The following PTPN5 variants were observed in gnomAD, a reference collection of about 807,000 sequenced individuals.
The protein encoded by PTPN5 is tyrosine-protein phosphatase non-receptor type 5.
Under a neutral mutation model 73.9 loss-of-function variants are expected in PTPN5, and 29 were observed. The ratio of observed to expected loss-of-function variants is 0.39; its 90% CI spans 0.29 to 0.54. The LOEUF (loss-of-function observed/expected upper bound fraction) is 0.54, where lower values mean the gene tolerates loss of function less well. Among genes scored for constraint, PTPN5 ranks in the 20% least tolerant of loss-of-function variants. The probability of loss-of-function intolerance (pLI) is 0.65; values close to 1 mark genes in which losing one functional copy is unlikely to be tolerated. For missense variants in PTPN5, 652 were observed against 751.4 expected (o/e 0.87, Z 1.55); for synonymous variants, 267 against 304.7 (o/e 0.88, Z 1.29).
intron 1 of PTPN5, among the ~76,000 whole-genome samples, chr11:18,788,672 G>A (rs7103490): frequency 0.4 from 61,428 of 152,096 alleles, 14,236 homozygotes; most frequent in South Asian, 0.53. Context: ...GTTTTTAAGG[G>A]GTTATCCGCC....
chr11:18,784,916 C>T (rs1851601144), intron 1 of PTPN5, among the ~76,000 whole-genome samples: 2 of 151,996 alleles, frequency 1.3e-5, no homozygotes, highest in African/African-American at 4.8e-5. Context: ...TGCAGCGGCG[C>T]TATCTTGGCT....
intron 3 of PTPN5, among the ~76,000 whole-genome samples, chr11:18,756,276 G>T (rs1850129888): frequency 6.7e-6 from 1 of 148,808 alleles, no homozygotes. Context: ...AACTCTTCTT[G>T]GTCCCTTACA....
At chr11:18,779,035 G>C (rs1851299734) in intron 1 of PTPN5, among the ~76,000 whole-genome samples, 1 of 152,112 alleles carries the variant, frequency 6.6e-6, no homozygotes, top group African/African-American at 2.4e-5. Context: ...TTGCTTACAA[G>C]GCTCCTTCTC....
chr11:18,755,700 T>C (rs1337979568), intron 3 of PTPN5, among the ~76,000 whole-genome samples: 1 of 151,964 alleles, frequency 6.6e-6, no homozygotes, highest in Non-Finnish European at 1.5e-5. Context: ...AACAGGGATA[T>C]GGGAAAAAAG....
In PTPN5 at chr11:18,778,965, T is replaced by A. The variant is rs115544998; in HGVS notation, c.-113-6894A>T. Among the ~76,000 whole-genome samples, 1,372 of 152,278 alleles carry A rather than the reference T, an allele frequency of 9.0e-3. 21 individuals are homozygous for A. Among genetic ancestry groups the A allele is most frequent in the African/African-American group, 0.031 (1,285 of 41,554 alleles). On this transcript the variant is annotated intron_variant, in intron 1 of 14. Coordinates refer to ENST00000358540, the MANE Select transcript of PTPN5 (RefSeq NM_006906.2). ...TGCCCTGGGCCTGGGCTGCCCATGC[T>A]GCTGTCCCTTGCTCCGGATGGTCCA...
Position 18,771,919 on chromosome 11 carries a change from C to T in PTPN5, c.20+20G>A, listed in dbSNP as rs573373140. On this transcript the variant is annotated intron_variant, in intron 2 of 14. Transcript: ENST00000358540. ...CCTCAGTGGGCGGGTTGCAGGGGGA[C>T]GGCGTAAACGCTCACTCACCTGGCT... The T allele has an allele frequency of 1.1e-5, 18 of 1,597,164 alleles. No homozygotes were observed. Among genetic ancestry groups the T allele is most frequent in the African/African-American group, 8.1e-5 (6 of 73,764 alleles).
Position 18,791,572 on chromosome 11 carries a change from G to C in PTPN5, c.-161C>G, listed in dbSNP as rs1312295886. ...CCGGCGAGCAGGCGGGCAGGCTGGC[G>C]GGAGGATGCGCGCGCGAGTGTGCGT... On this transcript the variant is annotated 5_prime_UTR_variant, in exon 1 of 15. Transcript: ENST00000358540. 6.5e-6 allele frequency: 1 copy of C among 153,630 alleles called. No homozygotes were observed. Among genetic ancestry groups the C allele is most frequent in the Middle Eastern group, 3.4e-3 (1 of 296 alleles). 9.5% of individuals were successfully genotyped at this position (153,630 alleles called of 1,614,324 possible).
In PTPN5 at chr11:18,728,949, G is replaced by T. The variant is rs1312606504; in HGVS notation, c.1683C>A (p.His561Gln). The change falls in exon 15 of 15, where the codon CAC becomes CAA. Residue 561 changes from histidine to glutamine, a missense_variant. Physicochemically the swap from His to Gln is conservative, Grantham distance 24. Transcript: ENST00000358540. The surrounding 1 kb of genome is among the most constrained non-coding windows in gnomAD (Gnocchi z 4.1). ...VMSLYEKQLS[H>Q]QSPE ...AGAAGCGCAGTCATTCTGGGGACTG[G>T]TGGGACAGCTGCTTTTCGTAGAGGC... The T allele has an allele frequency of 1.2e-6, 2 of 1,613,536 alleles. No homozygotes were observed. The highest frequency in any genetic ancestry group is 1.1e-5 in the South Asian group (1 of 91,022).
chr11:18,750,144 C>G (rs1044974557), intron 3 of PTPN5, among the ~76,000 whole-genome samples: 1 of 152,174 alleles, frequency 6.6e-6, no homozygotes, highest in Non-Finnish European at 1.5e-5. Flanking sequence ...AAGGGCAGAG[C>G]CTGAACGTTG....
At chr11:18,756,331 C>A (rs1335403338) in intron 3 of PTPN5, among the ~76,000 whole-genome samples, 1 of 141,664 alleles carries the variant, frequency 7.1e-6, no homozygotes, top group South Asian at 2.3e-4. Flanking sequence ...GATTCTCACT[C>A]CGTCACCCAA....
intron 7 of PTPN5, among the ~76,000 whole-genome samples, chr11:18,741,773 C>T (rs983431719): frequency 6.6e-6 from 1 of 152,164 alleles, no homozygotes; most frequent in Non-Finnish European, 1.5e-5. Flanking sequence ...GCACTACGCT[C>T]AGTACCTGGG....
chr11:18,758,456 G>C (rs1850247653), intron 3 of PTPN5, among the ~76,000 whole-genome samples: 1 of 152,158 alleles, frequency 6.6e-6, no homozygotes. Flanking sequence ...TTCTATCCCA[G>C]CACAGAATGA....
At chr11:18,750,929 C>T (rs1159789419) in intron 3 of PTPN5, among the ~76,000 whole-genome samples, 1 of 152,200 alleles carries the variant, frequency 6.6e-6, no homozygotes, top group Non-Finnish European at 1.5e-5. Context: ...GGTCTGGAAA[C>T]CCACAAGGGG....
chr11:18,740,574 A>G (rs759959634), intron 8 of PTPN5, 29 bp downstream of exon 8: 2 of 1,511,170 alleles, frequency 1.3e-6, no homozygotes, highest in South Asian at 2.7e-5. Context: ...GTCTGCACAC[A>G]GTGGGGCGAC....
intron 3 of PTPN5, among the ~76,000 whole-genome samples, chr11:18,753,931 A>G (rs1307038486): frequency 6.6e-6 from 1 of 152,236 alleles, no homozygotes; most frequent in Non-Finnish European, 1.5e-5. Flanking sequence ...TACAATATGC[A>G]CAATTAAAAA....
At chr11:18,773,947 C>A (rs532065314) in intron 1 of PTPN5, among the ~76,000 whole-genome samples, 38 of 152,332 alleles carry the variant, frequency 2.5e-4, no homozygotes, top group African/African-American at 8.7e-4. Flanking sequence ...TCCTTCCCTT[C>A]ACCCTTTGCT....
intron 2 of PTPN5, 21 bp downstream of exon 2, chr11:18,771,918 A>T: frequency 6.3e-7 from 1 of 1,594,094 alleles, no homozygotes; most frequent in Non-Finnish European, 8.5e-7. Flanking sequence ...TTGCAGGGGG[A>T]CGGCGTAAAC....
At chr11:18,787,223 C>T (rs561199535) in intron 1 of PTPN5, among the ~76,000 whole-genome samples, 1 of 152,234 alleles carries the variant, frequency 6.6e-6, no homozygotes, top group African/African-American at 2.4e-5. Flanking sequence ...GATCATAGTA[C>T]AGATTACTAT....
rs780842182 is a variant in PTPN5 at position 18,744,113 on chromosome 11, G to A, written c.184C>T (p.Pro62Ser). 1.2e-6 allele frequency: 2 copies of A among 1,611,190 alleles called. No individual in the cohort carries two copies. Among genetic ancestry groups the A allele is most frequent in the Non-Finnish European group, 1.7e-6 (2 of 1,178,920 alleles). ...TGAGCTGGATCTGAGGGCGGCGAGGGAGGAGGGGGTGGCGGCATCTCTCTC... is the reference window on the plus strand; with the variant it reads ...TGAGCTGGATCTGAGGGCGGCGAGGAAGGAGGGGGTGGCGGCATCTCTCTC... ...SQREMPPPPPPSPPSDPAQKP... is the reference protein window; with the variant it reads ...SQREMPPPPPSSPPSDPAQKP... Residue 62 changes from proline to serine, a missense_variant, in exon 4 of 15, where the codon CCC (proline) becomes TCC (serine). Transcript: ENST00000358540.
Sources: allele counts gnomAD v4.1 joint callset (sites outside exome capture counted in the v4.1 genomes callset), GRCh38; gene constraint gnomAD v4.1.1; non-coding constraint Gnocchi (gnomAD v3.1); transcripts MANE v1.5; gene names NCBI Gene and HGNC (gene_info 2026-07-23, HGNC 2026-07-21).